The following ZFPM2 variants were observed in gnomAD, a reference collection of about 807,000 sequenced individuals.
The protein encoded by ZFPM2 is zinc finger protein, FOG family member 2.
In ZFPM2, 20 loss-of-function variants were observed where a neutral mutation model predicts 98.6. The ratio of observed to expected loss-of-function variants is 0.20; its 90% CI spans 0.14 to 0.29. The LOEUF is 0.29. Among genes scored for constraint, ZFPM2 ranks in the 10% least tolerant of loss-of-function variants. The pLI is 1.00. For missense variants in ZFPM2, 1,310 were observed against 1,388.6 expected (o/e 0.94, Z 0.90); for synonymous variants, 518 against 502.7 (o/e 1.03, Z -0.41).
intron 5 of ZFPM2, among the ~76,000 whole-genome samples, chr8:105,698,929 G>T (rs1274166574): frequency 6.6e-6 from 1 of 151,852 alleles, no homozygotes; most frequent in Non-Finnish European, 1.5e-5. Flanking sequence ...TTCTCTCCTT[G>T]CTATATTCTT....
intron 2 of ZFPM2, among the ~76,000 whole-genome samples, chr8:105,420,878 AT>A (rs1811777995): frequency 2.0e-5 from 3 of 152,168 alleles, no homozygotes; most frequent in African/African-American, 7.2e-5. Context: ...GTATGGATTT[AT>A]ACCTTTTGTC....
intron 4 of ZFPM2, among the ~76,000 whole-genome samples, chr8:105,579,793 A>C (rs1815548658): frequency 6.6e-6 from 1 of 151,960 alleles, no homozygotes; most frequent in Admixed American, 6.6e-5. Flanking sequence ...CAAACTGATA[A>C]TTTTTTTTCA....
chr8:105,548,655 A>T (rs1814768437), intron 3 of ZFPM2, among the ~76,000 whole-genome samples: 1 of 152,166 alleles, frequency 6.6e-6, no homozygotes, highest in Admixed American at 6.6e-5. Flanking sequence ...GATTTCTTAA[A>T]GGAAAAAGAT....
chr8:105,556,671 C>T (rs1038913992), intron 3 of ZFPM2, among the ~76,000 whole-genome samples: 9 of 150,262 alleles, frequency 6.0e-5, no homozygotes, highest in East Asian at 2.0e-4. Context: ...CAGTTCTTCC[C>T]TTCCCCCTTC....
intron 5 of ZFPM2, among the ~76,000 whole-genome samples, chr8:105,688,568 A>C (rs1223301025): frequency 6.6e-6 from 1 of 152,162 alleles, no homozygotes; most frequent in African/African-American, 2.4e-5. Flanking sequence ...AAGACATTTA[A>C]CTTTTCTATA....
chr8:105,649,787 A>G (rs913738566), intron 5 of ZFPM2, among the ~76,000 whole-genome samples: 57 of 152,098 alleles, frequency 3.7e-4, no homozygotes, highest in Non-Finnish European at 6.8e-4. Flanking sequence ...GTTTGCCAGT[A>G]TTTTATTGAG....
At chr8:105,789,356 T>A (rs1341167733) in intron 6 of ZFPM2, among the ~76,000 whole-genome samples, 4 of 152,198 alleles carry the variant, frequency 2.6e-5, no homozygotes, top group Non-Finnish European at 5.9e-5. Flanking sequence ...GTTCTTGCGA[T>A]AGTTTACTGA....
At chr8:105,443,745 A>G (rs1196116968) in intron 2 of ZFPM2, among the ~76,000 whole-genome samples, 2 of 152,180 alleles carry the variant, frequency 1.3e-5, no homozygotes, top group African/African-American at 4.8e-5. Context: ...GTCACTGGCT[A>G]ATCATTTAAT....
intron 4 of ZFPM2, among the ~76,000 whole-genome samples, chr8:105,621,322 CTGTT>C (rs1191415283): frequency 3.9e-5 from 6 of 152,118 alleles, no homozygotes; most frequent in Non-Finnish European, 7.4e-5. Flanking sequence ...GATTGGCTCT[CTGTT>C]TGTCTGTTAT....
rs369234952 is a variant in ZFPM2 at position 105,788,900 on chromosome 8, A to C, written c.715A>C (p.Ile239Leu). Residue 239 changes from isoleucine to leucine, a missense_variant, in exon 6 of 8, where the codon ATT becomes CTT. Physicochemically the swap from Ile to Leu is conservative, Grantham distance 5. Transcript: ENST00000407775. ...TCCTCAGCAAGCTGCCATGGCTTCT[A>C]TTTTGCCCACAGCTATTGTCAATAG... Reference protein sequence around the residue: ...LLPQQAAMASILPTAIVNKDI... With the variant: ...LLPQQAAMASLLPTAIVNKDI... The C allele has an allele frequency of 6.2e-7, 1 of 1,613,634 alleles. No homozygotes were observed. Among genetic ancestry groups the C allele is most frequent in the Non-Finnish European group, 8.5e-7 (1 of 1,179,764 alleles).
chr8:105,604,041 A>G (rs1816147043), intron 4 of ZFPM2, among the ~76,000 whole-genome samples: 1 of 152,018 alleles, frequency 6.6e-6, no homozygotes, highest in African/African-American at 2.4e-5. Flanking sequence ...CGAATCTCTC[A>G]TCTGAGATCC....
In ZFPM2 at chr8:105,318,797, A is replaced by AGGAGCCCC; in HGVS notation, c.-144_-143insGAGCCCCG. 4.0e-6 allele frequency: 1 copy of AGGAGCCCC among 250,286 alleles called. No homozygotes were observed. Among genetic ancestry groups the AGGAGCCCC allele is most frequent in the Non-Finnish European group, 6.2e-6 (1 of 160,120 alleles). The allele number at this position is 250,286 out of a possible 1,614,324, so 15.5% of individuals were successfully genotyped here. A position where few individuals can be genotyped will look rare whatever the true frequency, so the allele number is the denominator to read the frequency against. ...GAATCCGCGGCTCCCGGAGGAGCCC[A>AGGAGCCCC]GCGCCCGGAGCACCTGGAGTCCGGC... On this transcript the variant is annotated 5_prime_UTR_variant, in exon 1 of 8. Coordinates refer to ENST00000407775, the MANE Select transcript of ZFPM2 (RefSeq NM_012082.4).
At chr8:105,777,800 GATCT>G (rs1206125047) in intron 5 of ZFPM2, among the ~76,000 whole-genome samples, 1 of 152,138 alleles carries the variant, frequency 6.6e-6, no homozygotes, top group African/African-American at 2.4e-5. Flanking sequence ...CAAGTGGATA[GATCT>G]ATCTAACAAC....
chr8:105,698,423 CT>C (rs1811069094), intron 5 of ZFPM2, among the ~76,000 whole-genome samples: 1 of 152,204 alleles, frequency 6.6e-6, no homozygotes. Context: ...AAAGAAACCA[CT>C]TTTCACTTTC....
intron 1 of ZFPM2, among the ~76,000 whole-genome samples, chr8:105,334,959 A>G (rs1217117675): frequency 6.6e-6 from 1 of 151,732 alleles, no homozygotes; most frequent in East Asian, 1.9e-4. Flanking sequence ...GAGAGACCAA[A>G]GCTTAGAGTG....
At chr8:105,742,587 T>C (rs1231494368) in intron 5 of ZFPM2, among the ~76,000 whole-genome samples, 1 of 151,916 alleles carries the variant, frequency 6.6e-6, no homozygotes, top group Non-Finnish European at 1.5e-5. Context: ...GTCAAGGAAC[T>C]GGGAGTTCAA....
intron 2 of ZFPM2, among the ~76,000 whole-genome samples, chr8:105,419,555 T>G (rs1256325379): frequency 6.6e-6 from 1 of 152,202 alleles, no homozygotes; most frequent in South Asian, 2.1e-4. Flanking sequence ...CTTCATGTTA[T>G]TGGCCAATTA....
chr8:105,656,636 C>T (rs1243204635), intron 5 of ZFPM2, among the ~76,000 whole-genome samples: 3 of 152,140 alleles, frequency 2.0e-5, no homozygotes, highest in East Asian at 3.9e-4. Context: ...GAACTCCTTG[C>T]TTCTGGTTTT....
intron 3 of ZFPM2, among the ~76,000 whole-genome samples, chr8:105,445,676 C>T (rs560128691): frequency 6.6e-6 from 1 of 151,772 alleles, no homozygotes; most frequent in Admixed American, 6.6e-5. Context: ...ATGATCTTGG[C>T]TCACTGCAGC....
Sources: gnomAD v4.1 joint callset for allele counts (sites outside exome capture counted in the v4.1 genomes callset) on GRCh38, gnomAD v4.1.1 for gene constraint, MANE v1.5 for transcripts, NCBI Gene and HGNC (gene_info 2026-07-23, HGNC 2026-07-21) for gene names.